Variants in CLTCL1 observed in about 807,000 individuals in gnomAD.
CLTCL1 encodes clathrin heavy chain like 1, also known as clathrin heavy chain 2.
In CLTCL1, 159 loss-of-function variants were observed where a neutral mutation model predicts 190.0. The ratio of observed to expected loss-of-function variants is 0.84; its 90% CI spans 0.74 to 0.95. The LOEUF (loss-of-function observed/expected upper bound fraction) is 0.95, where lower values mean the gene tolerates loss of function less well. Among genes scored for constraint, CLTCL1 ranks in the 40% least tolerant of loss-of-function variants. CLTCL1 has a pLI of 0.00. For missense variants in CLTCL1, 1,878 were observed against 2,033.4 expected (o/e 0.92, Z 1.47); for synonymous variants, 752 against 769.6 (o/e 0.98, Z 0.38).
intron 11 of CLTCL1, 91 bp from the exon 12 acceptor site, chr22:19,226,474 G>T: frequency 6.9e-7 from 1 of 1,446,896 alleles, no homozygotes; most frequent in Non-Finnish European, 9.5e-7. Context: ...GTAGGGTATA[G>T]CCTGGCAACC....
At chr22:19,282,911 C>A (rs1250711882) in intron 1 of CLTCL1, among the ~76,000 whole-genome samples, 11 of 150,652 alleles carry the variant, frequency 7.3e-5, no homozygotes, top group African/African-American at 2.2e-4. Flanking sequence ...CTCTGTCACC[C>A]AGGCTGGAGT....
At chr22:19,257,631 G>A in intron 2 of CLTCL1, 1 of 426,832 alleles carries the variant, frequency 2.3e-6, no homozygotes, top group South Asian at 1.9e-5. Flanking sequence ...CGGCATCTAT[G>A]CAGATGTAAG....
At chr22:19,186,807 G>A (rs1324033853) in intron 29 of CLTCL1, among the ~76,000 whole-genome samples, 1 of 152,100 alleles carries the variant, frequency 6.6e-6, no homozygotes, top group East Asian at 1.9e-4. Flanking sequence ...CACCATATTG[G>A]CCAGGCTGGT....
intron 1 of CLTCL1, among the ~76,000 whole-genome samples, chr22:19,287,220 A>G (rs1316119641): frequency 1.3e-5 from 2 of 152,180 alleles, no homozygotes; most frequent in Non-Finnish European, 2.9e-5. Context: ...TAGCTCCCTG[A>G]GCTCACAATC....
At position 19,235,740 on chromosome 22, in the gene CLTCL1, G is replaced by A. The variant is rs367573576; in HGVS notation, c.925C>T (p.His309Tyr). Residue 309 changes from histidine (H) to tyrosine (Y), a missense_variant, in exon 6 of 33, where the codon CAC (histidine) becomes TAC (tyrosine). Physicochemically the swap from His to Tyr is moderately conservative, Grantham distance 83. Transcript: ENST00000427926. The stretch of plus-strand genomic sequence containing the variant: ...CCAATAATTCCAGAGGTTGGTTTGT[G>A]TGGAGCAGTGACAAATATTGTGTCA... ...SADTIFVTAP[H>Y]KPTSGIIGVN... 26 of 1,613,882 alleles carry A rather than the reference G, an allele frequency of 1.6e-5. No homozygotes were observed. The African/African-American group carries it at 2.8e-4, about 17-fold the overall frequency.
intron 22 of CLTCL1, among the ~76,000 whole-genome samples, chr22:19,203,816 C>T (rs533663026): frequency 4.9e-4 from 75 of 152,330 alleles, no homozygotes; most frequent in African/African-American, 1.8e-3. Context: ...AGAGGTCCGA[C>T]TTGTCCGAAT....
At chr22:19,285,445 G>A (rs1483355238) in intron 1 of CLTCL1, among the ~76,000 whole-genome samples, 2 of 152,106 alleles carry the variant, frequency 1.3e-5, no homozygotes, top group African/African-American at 2.4e-5. Context: ...TTTATATAAT[G>A]CTTTACAGAA....
At position 19,254,089 on chromosome 22, in the gene CLTCL1, C is replaced by T. The variant is rs781827419; in HGVS notation, c.389G>A (p.Trp130Ter). The change falls in exon 3 of 33, where the codon TGG becomes TAG. Residue 130 changes from tryptophan (W) to a stop codon, truncating the protein, a stop_gained. Transcript: ENST00000427926. LOFTEE classifies it high-confidence loss of function. ...GGGCTGGGAGTCACCTTCCATGCTC[C>T]AGTGGTAGACCGCGGTCTCGGTCAC... The part of the protein sequence containing the change: ...ALVTETAVYH[W>*]SMEGDSQPMK... 8 of 1,612,676 alleles carry T rather than the reference C, an allele frequency of 5.0e-6. No individual in the cohort carries two copies. The African/African-American group carries it at 1.1e-4, about 22-fold the overall frequency.
chr22:19,271,350 T>C (rs1223573486), intron 2 of CLTCL1, among the ~76,000 whole-genome samples: 2 of 152,104 alleles, frequency 1.3e-5, no homozygotes, highest in Non-Finnish European at 1.5e-5. Flanking sequence ...GTTCTGGTGA[T>C]AGTGAGTGAG....
intron 18 of CLTCL1, among the ~76,000 whole-genome samples, chr22:19,219,154 A>T (rs1187715655): frequency 6.9e-6 from 1 of 144,634 alleles, no homozygotes; most frequent in Non-Finnish European, 1.5e-5. Flanking sequence ...AAGGACTAAG[A>T]TGTTTTATTT....
chr22:19,264,781 A>G (rs1166820633), intron 2 of CLTCL1, among the ~76,000 whole-genome samples: 2 of 152,042 alleles, frequency 1.3e-5, no homozygotes, highest in East Asian at 3.9e-4. Flanking sequence ...TCAATGGTGA[A>G]ATTTCATGCA....
chr22:19,268,532 G>A (rs1377741083), intron 2 of CLTCL1, among the ~76,000 whole-genome samples: 3 of 150,310 alleles, frequency 2.0e-5, no homozygotes, highest in Non-Finnish European at 3.0e-5. Flanking sequence ...TAAGAACTGG[G>A]CAAATATTTA....
chr22:19,192,128 C>T (rs1244877862), intron 26 of CLTCL1, among the ~76,000 whole-genome samples: 1 of 141,882 alleles, frequency 7.0e-6, no homozygotes, highest in Non-Finnish European at 1.5e-5. Context: ...TGCAGTGGTG[C>T]GATCTCTGCT....
intron 18 of CLTCL1, among the ~76,000 whole-genome samples, 186 bp downstream of exon 18, chr22:19,219,699 G>T (rs5993560): frequency 0.13 from 19,671 of 151,880 alleles, 1,648 homozygotes; most frequent in African/African-American, 0.23. Flanking sequence ...GGCCAGGCTG[G>T]TCTTGAATTC....
intron 29 of CLTCL1, chr22:19,184,454 C>T (rs1165961518): frequency 2.6e-5 from 12 of 455,806 alleles, no homozygotes; most frequent in Non-Finnish European, 4.4e-5. Context: ...TGCATGGACC[C>T]GATGTGCTGA....
chr22:19,274,722 CTTTG>C (rs1208903976), intron 2 of CLTCL1, among the ~76,000 whole-genome samples: 5 of 147,538 alleles, frequency 3.4e-5, no homozygotes, highest in South Asian at 2.1e-4. Context: ...TTTTGCTTTT[CTTTG>C]TTTCTTTTTT....
chr22:19,291,123 C>T (rs375664608), intron 1 of CLTCL1, among the ~76,000 whole-genome samples: 1 of 152,230 alleles, frequency 6.6e-6, no homozygotes, highest in Non-Finnish European at 1.5e-5. Flanking sequence ...TTAGGCTTGG[C>T]CCTGAGAAAT....
At chr22:19,232,691 A>C in intron 9 of CLTCL1, 93 bp from the exon 10 acceptor site, 1 of 1,480,326 alleles carries the variant, frequency 6.8e-7, no homozygotes, top group Non-Finnish European at 9.0e-7. Flanking sequence ...AACTCGTGTT[A>C]ACAAAGAAAT....
At chr22:19,203,402 A>G (rs1173470449) in intron 22 of CLTCL1, among the ~76,000 whole-genome samples, 4 of 152,156 alleles carry the variant, frequency 2.6e-5, no homozygotes, top group African/African-American at 9.7e-5. Flanking sequence ...TTCCCATCAG[A>G]GCACAGTTCT....
Sources: allele counts gnomAD v4.1 joint callset (sites outside exome capture counted in the v4.1 genomes callset), GRCh38; gene constraint gnomAD v4.1.1; transcripts MANE v1.5; gene names NCBI Gene and HGNC (gene_info 2026-07-23, HGNC 2026-07-21).